Variants in HMCN1 observed in about 807,000 individuals in gnomAD.
HMCN1 encodes hemicentin 1.
A neutral mutation model predicts 625.9 loss-of-function variants in HMCN1; 321 were observed. The ratio of observed to expected loss-of-function variants is 0.51; its 90% confidence interval spans 0.47 to 0.56. HMCN1 has a LOEUF of 0.56. HMCN1 is among the 20% of genes least tolerant of loss of function. The probability of loss-of-function intolerance (pLI) is 0.00; values close to 1 mark genes in which losing one functional copy is unlikely to be tolerated. For synonymous variants in HMCN1, 2,425 were observed against 2,417.6 expected, an observed-to-expected ratio of 1.00 and a Z score of -0.09; for missense variants, 6,588 against 6,887.3, an observed-to-expected ratio of 0.96 and a Z score of 1.54.
chr1:185,882,520 A>T (rs1664371652), intron 4 of HMCN1, among the ~76,000 whole-genome samples: 2 of 152,074 alleles, frequency 1.3e-5, no homozygotes, highest in South Asian at 4.2e-4. Flanking sequence ...CTGTTTTTTT[A>T]AAAAAGTTTG....
Position 186,189,550 on chromosome 1 carries a change from G to A in HMCN1, c.16580G>A (p.Cys5527Tyr). The A allele has an allele frequency of 6.2e-7, 1 of 1,613,540 alleles. No homozygotes were observed. The highest frequency in any genetic ancestry group is 8.5e-7 in the Non-Finnish European group (1 of 1,179,708). The change falls in exon 107 of 107, where the codon TGT (cysteine) becomes TAT (tyrosine). Residue 5527 changes from cysteine to tyrosine, a missense_variant. This residue lies in a region of HMCN1 where 1,954 missense variants were observed against 2,013.1 expected (regional missense o/e 0.97). Coordinates refer to ENST00000271588, the MANE Select transcript of HMCN1 (RefSeq NM_031935.3). Reference protein sequence around the residue: ...LKNCPPNDLECALSPYALEYK... With the variant: ...LKNCPPNDLEYALSPYALEYK... The stretch of plus-strand genomic sequence containing the variant: ...AACTGTCCACCCAATGATTTGGAAT[G>A]TGCCTTGAGCCCATATGCCTTGGAA...
rs1247216697 is a variant in HMCN1, at chr1:186,003,731, A to G, written c.4362A>G (p.Ile1454Met). 7 of 1,613,114 alleles carry G rather than the reference A, an allele frequency of 4.3e-6. No homozygotes were observed. Among genetic ancestry groups the G allele is most frequent in the Non-Finnish European group, 5.9e-6 (7 of 1,179,372 alleles). ...TCTTTGTTCAAGTTCCACCCACCAT[A>G]ATAGGTACCAACTTCCCAAATGAAG... is the stretch of plus-strand genomic sequence containing the variant. Reference protein sequence around the residue: ...FNIDVLVPPTIIGTNFPNEVS... With the variant: ...FNIDVLVPPTMIGTNFPNEVS... The change falls in exon 29 of 107, where the codon ATA becomes ATG. Residue 1454 changes from isoleucine (I) to methionine (M), a missense_variant. Around this residue, in one of 3 missense-constraint regions of HMCN1, gnomAD observed 4,628 missense variants for 4,853.1 expected, o/e 0.95. Coordinates refer to ENST00000271588, the MANE Select transcript of HMCN1 (RefSeq NM_031935.3).
rs1160060774 is a variant in HMCN1, at chr1:186,174,570, A to G, written c.15871A>G (p.Asn5291Asp). The G allele has an allele frequency of 6.2e-7, 1 of 1,613,854 alleles. No homozygotes were observed. Among genetic ancestry groups the G allele is most frequent in the Non-Finnish European group, 8.5e-7 (1 of 1,179,734 alleles). The part of the protein sequence containing the change: ...HQCRYNQICE[N>D]TRGSYRCVCP... ...GTGCAGATATAACCAGATATGTGAGAATACAAGAGGCAGCTATCGTTGTGT... is the reference window on the plus strand; with the variant it reads ...GTGCAGATATAACCAGATATGTGAGGATACAAGAGGCAGCTATCGTTGTGT... Residue 5291 changes from asparagine to aspartate, a missense_variant, in exon 103 of 107, where the codon AAT (asparagine) becomes GAT (aspartate). By Grantham distance (23) the Asn-to-Asp change is conservative. Transcript: ENST00000271588.
chr1:185,948,223 A>C (rs11586768), intron 11 of HMCN1, among the ~76,000 whole-genome samples: 2 of 152,170 alleles, frequency 1.3e-5, no homozygotes, highest in African/African-American at 4.8e-5. Flanking sequence ...TCAGTTTCTC[A>C]TGTAGCATTG....
chr1:186,008,111 T>C (rs1487679164), intron 30 of HMCN1, among the ~76,000 whole-genome samples: 1 of 152,196 alleles, frequency 6.6e-6, no homozygotes, highest in Non-Finnish European at 1.5e-5. Flanking sequence ...ATTATAGGTT[T>C]ATTTACTTAT....
At chr1:186,083,998 A>C (rs1659325865) in intron 57 of HMCN1, among the ~76,000 whole-genome samples, 3 of 152,168 alleles carry the variant, frequency 2.0e-5, no homozygotes. Context: ...CTAATCTGTA[A>C]AGTGCAGTAA....
intron 97 of HMCN1, among the ~76,000 whole-genome samples, chr1:186,160,786 T>C (rs928953486): frequency 5.3e-5 from 8 of 151,830 alleles, no homozygotes; most frequent in East Asian, 1.9e-4. Flanking sequence ...GTCTGAGAGA[T>C]AGTTTGTTAT....
At chr1:185,769,093 G>C (rs763804149) in intron 1 of HMCN1, among the ~76,000 whole-genome samples, 1 of 152,032 alleles carries the variant, frequency 6.6e-6, no homozygotes, top group Non-Finnish European at 1.5e-5. Flanking sequence ...ATATGATTTT[G>C]GCCAAGAATC....
At chr1:185,905,585 C>A (rs1666051320) in intron 4 of HMCN1, among the ~76,000 whole-genome samples, 2 of 151,734 alleles carry the variant, frequency 1.3e-5, no homozygotes, top group Non-Finnish European at 3.0e-5. Context: ...TCTTCAAGTT[C>A]TGTTCACGAA....
At chr1:186,143,725 G>A (rs1650115037) in intron 89 of HMCN1, among the ~76,000 whole-genome samples, 1 of 152,152 alleles carries the variant, frequency 6.6e-6, no homozygotes, top group South Asian at 2.1e-4. Context: ...GCTGTCTAGG[G>A]TCCAAATTAT....
chr1:186,064,749 G>T (rs894915179), intron 48 of HMCN1, among the ~76,000 whole-genome samples: 2 of 146,626 alleles, frequency 1.4e-5, no homozygotes, highest in Non-Finnish European at 3.0e-5. Flanking sequence ...GGTAGAGCTT[G>T]CAGTGAGCCG....
chr1:186,117,442 T>C lies in HMCN1; in HGVS notation c.11684-17T>C, dbSNP rs768917789. Reference sequence around the variant, plus strand: ...AATGTGTAGTTTTTTCCCTTTTTGTTGTTGTTGTTGTTTTAGTTCCACCTT... The same window carrying C: ...AATGTGTAGTTTTTTCCCTTTTTGTCGTTGTTGTTGTTTTAGTTCCACCTT... On this transcript the variant is annotated splice_polypyrimidine_tract_variant and intron_variant, in intron 76 of 106. Coordinates refer to ENST00000271588, the MANE Select transcript of HMCN1 (RefSeq NM_031935.3). 1.2e-6 allele frequency: 2 copies of C among 1,612,554 alleles called. No homozygotes were observed. Among genetic ancestry groups the C allele is most frequent in the African/African-American group, 1.3e-5 (1 of 74,946 alleles).
intron 1 of HMCN1, among the ~76,000 whole-genome samples, chr1:185,760,168 T>C (rs1053344432): frequency 2.6e-5 from 4 of 152,270 alleles, no homozygotes; most frequent in African/African-American, 9.6e-5. Flanking sequence ...ATTTCTTTTG[T>C]GGAGTTAGGG....
Position 185,933,733 on chromosome 1 carries a change from G to C in HMCN1, c.1737G>C (p.Lys579Asn). Residue 579 changes from lysine to asparagine, a missense_variant, in exon 11 of 107, where the codon AAG becomes AAC. Physicochemically the swap from Lys to Asn is moderately conservative, Grantham distance 94 (BLOSUM62 0). Coordinates refer to ENST00000271588, the MANE Select transcript of HMCN1 (RefSeq NM_031935.3). ...TGGCTAATCTGTCATTGGAGCTAAA[G>C]AGTGTGAAATTCAACGATGCTGGAG... ...RTLANLSLEL[K>N]SVKFNDAGEY... 2 of 1,613,962 alleles carry C rather than the reference G, an allele frequency of 1.2e-6. No homozygotes were observed. The highest frequency in any genetic ancestry group is 1.7e-6 in the Non-Finnish European group (2 of 1,179,862).
chr1:186,043,851 C>T (rs773301584), intron 40 of HMCN1, among the ~76,000 whole-genome samples: 6 of 152,018 alleles, frequency 3.9e-5, no homozygotes, highest in Non-Finnish European at 8.8e-5. Context: ...GGGTGGATCG[C>T]CTGAGGTCAG....
intron 97 of HMCN1, among the ~76,000 whole-genome samples, chr1:186,154,886 T>C (rs1650894986): frequency 6.6e-6 from 1 of 152,216 alleles, no homozygotes; most frequent in Admixed American, 6.5e-5. Context: ...TTTTCAGTCA[T>C]AAGAGCCACC....
At chr1:186,099,014 C>G (rs1335653671) in intron 68 of HMCN1, among the ~76,000 whole-genome samples, 1 of 151,922 alleles carries the variant, frequency 6.6e-6, no homozygotes, top group Non-Finnish European at 1.5e-5. Context: ...TTACCAAAGA[C>G]AAGGGAGACA....
intron 4 of HMCN1, among the ~76,000 whole-genome samples, chr1:185,892,627 G>T (rs535531988): frequency 6.6e-6 from 1 of 152,246 alleles, no homozygotes; most frequent in Non-Finnish European, 1.5e-5. Context: ...CTGCTCGGGG[G>T]TCGGGGGTCA....
intron 4 of HMCN1, among the ~76,000 whole-genome samples, chr1:185,873,203 C>G (rs547988682): frequency 4.5e-4 from 69 of 152,258 alleles, no homozygotes; most frequent in African/African-American, 1.6e-3. Context: ...TTAGAGATAA[C>G]TGAATCAGTC....
Sources: allele counts gnomAD v4.1 joint callset (sites outside exome capture counted in the v4.1 genomes callset), GRCh38; gene constraint gnomAD v4.1.1; regional missense constraint gnomAD v4.1.1; transcripts MANE v1.5; gene names NCBI Gene and HGNC (gene_info 2026-07-23, HGNC 2026-07-21).